MICAL2: variants seen among roughly 807,000 people sequenced by gnomAD.
MICAL2 encodes the protein [F-actin]-monooxygenase MICAL2.
A neutral mutation model predicts 127.3 loss-of-function variants in MICAL2; 77 were observed. The observed-to-expected ratio is 0.60, with a 90% CI of 0.50 to 0.73. The LOEUF (loss-of-function observed/expected upper bound fraction) is 0.73. MICAL2 is among the 30% of genes least tolerant of loss of function. The pLI is 0.00. For missense variants in MICAL2, 1,351 were observed against 1,434.4 expected (o/e 0.94, Z 0.94); for synonymous variants, 570 against 551.1 (o/e 1.03, Z -0.48).
intron 27 of MICAL2, 99 bp downstream of exon 27, chr11:12,262,636 G>C (rs1451908178): frequency 9.7e-7 from 1 of 1,026,624 alleles, no homozygotes; most frequent in Non-Finnish European, 1.5e-6. Flanking sequence ...TGCACTAACT[G>C]TGAGTGTCTT....
chr11:12,161,037 C>T (rs150806632), intron 2 of MICAL2, among the ~76,000 whole-genome samples: 1 of 152,344 alleles, frequency 6.6e-6, no homozygotes, highest in Admixed American at 6.5e-5. Context: ...CAGGCCTCAT[C>T]GGTGGAGCTC....
intron 29 of MICAL2, among the ~76,000 whole-genome samples, chr11:12,297,574 T>A (rs56338899): frequency 2.0e-5 from 3 of 152,078 alleles, no homozygotes; most frequent in African/African-American, 7.2e-5. Flanking sequence ...GGGTTTTATA[T>A]AGTAGTTAGA....
intron 15 of MICAL2, among the ~76,000 whole-genome samples, chr11:12,229,811 C>T (rs578141427): frequency 1.3e-5 from 2 of 152,210 alleles, no homozygotes; most frequent in Non-Finnish European, 2.9e-5. Flanking sequence ...AATTCTGGCC[C>T]CTTTTGAATC....
intron 22 of MICAL2, among the ~76,000 whole-genome samples, chr11:12,249,450 A>G (rs893287858): frequency 4.6e-5 from 7 of 152,188 alleles, no homozygotes; most frequent in Admixed American, 4.6e-4. Flanking sequence ...TGAACTTGTA[A>G]TTTCCAGACA....
At chr11:12,350,416 A>G (rs1939025685) in intron 33 of MICAL2, among the ~76,000 whole-genome samples, 2 of 152,208 alleles carry the variant, frequency 1.3e-5, no homozygotes, top group African/African-American at 4.8e-5. Flanking sequence ...GAGACCAAAA[A>G]GTGGAGATGG....
chr11:12,342,004 G>C (rs1183788268), intron 32 of MICAL2, among the ~76,000 whole-genome samples: 1 of 152,138 alleles, frequency 6.6e-6, no homozygotes, highest in East Asian at 1.9e-4. Flanking sequence ...TTAATAAAAA[G>C]TCACTTTGTG....
At chr11:12,209,664 AG>A in intron 6 of MICAL2, 66 bp downstream of exon 6, 1 of 1,398,634 alleles carries the variant, frequency 7.1e-7, no homozygotes, top group Non-Finnish European at 1.0e-6. Flanking sequence ...ATTGGGGAAG[AG>A]TTGGAGAAAG....
Position 12,243,432 on chromosome 11 carries a change from C to G in MICAL2, c.2659-555C>G, listed in dbSNP as rs148419457. On this transcript the variant is annotated intron_variant, in intron 20 of 27. Transcript: ENST00000683283. Reference sequence around the variant, plus strand: ...TGTATGTGTAAAGTCCTCCCTCCCTCACAGCACACCTGTCCCTAGAACTTG... The same window carrying G: ...TGTATGTGTAAAGTCCTCCCTCCCTGACAGCACACCTGTCCCTAGAACTTG... 2.6e-5 allele frequency: 4 copies of G among 155,376 alleles called. No homozygotes were observed. In the East Asian group the frequency reaches 7.6e-4, roughly 29 times the overall value. 9.6% of individuals were successfully genotyped at this position (155,376 alleles called of 1,614,324 possible). A position where few individuals can be genotyped will look rare whatever the true frequency, so the allele number is the denominator to read the frequency against.
intron 32 of MICAL2, among the ~76,000 whole-genome samples, chr11:12,344,472 C>CCAT (rs34112883): frequency 7.1e-6 from 1 of 141,476 alleles, no homozygotes; most frequent in Non-Finnish European, 1.5e-5. Context: ...ATTCTAGAAA[C>CCAT]TATTATTATT....
chr11:12,125,598 C>G lies in MICAL2; in HGVS notation c.-148-12792C>G, dbSNP rs546762485. Among the ~76,000 whole-genome samples the G allele has an allele frequency of 2.6e-5, 4 of 152,258 alleles. No homozygotes were observed. In the South Asian group the frequency reaches 8.3e-4, roughly 32 times the overall value. On this transcript the variant is annotated intron_variant, in intron 1 of 27. Coordinates refer to ENST00000683283, the MANE Select transcript of MICAL2 (RefSeq NM_001282663.2). ...AGACACTCTATCTCTCTGCCCTGTC[C>G]CAAGTCTAGTCCTTTAAAAGATAAA...
At chr11:12,182,775 C>A (rs1349677206) in intron 3 of MICAL2, among the ~76,000 whole-genome samples, 2 of 152,186 alleles carry the variant, frequency 1.3e-5, no homozygotes, top group Non-Finnish European at 2.9e-5. Context: ...TGACCCTCCT[C>A]CCACTGTCCA....
chr11:12,242,212 A>G lies in MICAL2; in HGVS notation c.2338-2A>G. On this transcript the variant is annotated splice_acceptor_variant, in intron 18 of 27. Transcript: ENST00000683283. LOFTEE classifies it high-confidence loss of function. The stretch of plus-strand genomic sequence containing the variant: ...GGAAGCTTAATTTTCCCTCTTTCCC[A>G]GTTCCCCTCTGTGGTCGTGACGGGG... The G allele has an allele frequency of 6.3e-7, 1 of 1,598,502 alleles. No homozygotes were observed. The highest frequency in any genetic ancestry group is 8.6e-7 in the Non-Finnish European group (1 of 1,168,272).
intron 1 of MICAL2, among the ~76,000 whole-genome samples, chr11:12,125,519 G>C (rs932124154): frequency 6.6e-6 from 1 of 152,124 alleles, no homozygotes; most frequent in Non-Finnish European, 1.5e-5. Context: ...CTCTCAAATT[G>C]CTGGGATTAC....
intron 1 of MICAL2, among the ~76,000 whole-genome samples, chr11:12,117,334 A>G (rs538548544): frequency 1.8e-4 from 28 of 152,334 alleles, no homozygotes; most frequent in Admixed American, 4.6e-4. Context: ...TAAGGTCTTG[A>G]CGCACACAGC....
intron 4 of MICAL2, among the ~76,000 whole-genome samples, 200 bp downstream of exon 4, chr11:12,204,657 A>C (rs1294521454): frequency 6.6e-6 from 1 of 152,216 alleles, no homozygotes; most frequent in Non-Finnish European, 1.5e-5. Context: ...GACTGTAAGC[A>C]CCATGAGGTC....
At position 12,189,471 on chromosome 11, in the gene MICAL2, G is replaced by A. The variant is rs116162927; in HGVS notation, c.265-14779G>A. On this transcript the variant is annotated intron_variant, in intron 3 of 27. Coordinates refer to ENST00000683283, the MANE Select transcript of MICAL2 (RefSeq NM_001282663.2). ...AATAAATGATAGATATCCTTTTCCCGTTGGTACATGGGTAGGATCAGGTAT... is the reference window on the plus strand; with the variant it reads ...AATAAATGATAGATATCCTTTTCCCATTGGTACATGGGTAGGATCAGGTAT... 4.1e-3 allele frequency among the ~76,000 whole-genome samples: 625 copies of A among 152,238 alleles called. 4 individuals carry two copies. The highest frequency in any genetic ancestry group is 0.014 in the African/African-American group (585 of 41,518).
In MICAL2 at chr11:12,320,898, G is replaced by A. The variant is rs1268172242; in HGVS notation, c.5328+1087G>A. Among the ~76,000 whole-genome samples, 4 of 152,150 alleles carry A rather than the reference G, an allele frequency of 2.6e-5. No individual in the cohort carries two copies. The East Asian group carries it at 7.7e-4, about 29-fold the overall frequency. ...TATGAATTTCTCATTTCTAACAATG[G>A]TGTCCCTGATTAATTCAGTATTCAA... On this transcript the variant is annotated intron_variant, in intron 30 of 34. Transcript: ENST00000646065.
At chr11:12,266,084 C>T (rs1475751883), downstream of MICAL2, among the ~76,000 whole-genome samples, 1 of 152,104 alleles carries the variant, frequency 6.6e-6, no homozygotes, top group Non-Finnish European at 1.5e-5. Flanking sequence ...TGCACTCCAG[C>T]TTGGATTACA....
At chr11:12,330,898 A>AGTGTGTGT (rs757142831) in intron 32 of MICAL2, among the ~76,000 whole-genome samples, 382 of 121,140 alleles carry the variant, frequency 3.2e-3, no homozygotes, top group Middle Eastern at 7.8e-3. Flanking sequence ...AGAGAGAGAG[A>AGTGTGTGT]GAGTGTGTGT....
Sources: allele counts gnomAD v4.1 joint callset (sites outside exome capture counted in the v4.1 genomes callset), GRCh38; gene constraint gnomAD v4.1.1; transcripts MANE v1.5; gene names NCBI Gene and HGNC (gene_info 2026-07-23, HGNC 2026-07-21).